Variants in SCN8A observed in about 807,000 individuals in gnomAD.
SCN8A encodes sodium voltage-gated channel alpha subunit 8, also known as sodium channel protein type 8 subunit alpha.
In SCN8A, 30 loss-of-function variants were observed where a neutral mutation model predicts 184.1. The observed-to-expected ratio is 0.16, with a 90% CI of 0.12 to 0.22. The LOEUF (loss-of-function observed/expected upper bound fraction) is 0.22. SCN8A is among the 10% of genes least tolerant of loss of function. The pLI is 1.00. For synonymous variants in SCN8A, 852 were observed against 907.0 expected (o/e 0.94, Z 1.09); for missense variants, 1,057 against 2,498.9 (o/e 0.42, Z 12.30).
intron 9 of SCN8A, among the ~76,000 whole-genome samples, chr12:51,704,761 T>C (rs999492127): frequency 2.0e-5 from 3 of 149,582 alleles, no homozygotes; most frequent in African/African-American, 7.4e-5. Context: ...GATCATGAGG[T>C]CAGGAGCTCA....
intron 13 of SCN8A, among the ~76,000 whole-genome samples, chr12:51,746,356 C>T (rs1942512309): frequency 6.6e-6 from 1 of 152,184 alleles, no homozygotes; most frequent in Admixed American, 6.5e-5. Flanking sequence ...TGCTGTAAGG[C>T]ATAAAGGAAT....
chr12:51,653,993 A>G (rs1940771408), intron 1 of SCN8A, among the ~76,000 whole-genome samples: 1 of 152,132 alleles, frequency 6.6e-6, no homozygotes, highest in African/African-American at 2.4e-5. Flanking sequence ...TCATTTTTAT[A>G]TCTGTTTTTG....
chr12:51,719,905 TC>T (rs1942022213), intron 11 of SCN8A, among the ~76,000 whole-genome samples: 1 of 151,682 alleles, frequency 6.6e-6, no homozygotes, highest in Non-Finnish European at 1.5e-5. Context: ...TGAAACCCCG[TC>T]TCTACTAAAA....
intron 14 of SCN8A, among the ~76,000 whole-genome samples, chr12:51,754,870 G>C (rs1473825817): frequency 1.3e-5 from 2 of 152,102 alleles, no homozygotes; most frequent in African/African-American, 4.8e-5. Flanking sequence ...TCTACCAGTT[G>C]GCATGTAGCT....
intron 16 of SCN8A, among the ~76,000 whole-genome samples, chr12:51,767,159 A>T (rs576343188): frequency 1.6e-4 from 25 of 152,142 alleles, no homozygotes; most frequent in Non-Finnish European, 3.4e-4. Context: ...TAATCCCTCT[A>T]GTCTTCTCAC....
chr12:51,615,474 G>C (rs998721007), intron 1 of SCN8A, among the ~76,000 whole-genome samples: 1 of 152,114 alleles, frequency 6.6e-6, no homozygotes, highest in Non-Finnish European at 1.5e-5. Flanking sequence ...GATTACTTGA[G>C]CCTGGGAGTT....
intron 20 of SCN8A, among the ~76,000 whole-genome samples, chr12:51,779,467 G>C (rs1159430011): frequency 6.6e-6 from 1 of 152,150 alleles, no homozygotes; most frequent in African/African-American, 2.4e-5. Flanking sequence ...TAAGCCTGGA[G>C]GTCTGCAGGC....
intron 1 of SCN8A, among the ~76,000 whole-genome samples, chr12:51,601,855 G>GTTTTTT (rs938674707): frequency 9.1e-6 from 1 of 109,746 alleles, no homozygotes; most frequent in Non-Finnish European, 1.8e-5. Context: ...CAGAGAAAGG[G>GTTTTTT]TTTTTTTTTT....
At chr12:51,802,416 A>G (rs1376880651) in intron 26 of SCN8A, among the ~76,000 whole-genome samples, 1 of 152,192 alleles carries the variant, frequency 6.6e-6, no homozygotes, top group Non-Finnish European at 1.5e-5. Flanking sequence ...ACACATCCCT[A>G]TTCCAAGTCG....
chr12:51,602,183 G>T (rs1939481888), intron 1 of SCN8A, among the ~76,000 whole-genome samples: 4 of 150,958 alleles, frequency 2.6e-5, no homozygotes. Flanking sequence ...CAGAGTATTG[G>T]TGCTCAACAC....
intron 2 of SCN8A, among the ~76,000 whole-genome samples, chr12:51,671,407 G>C (rs933920747): frequency 2.1e-4 from 32 of 152,134 alleles, no homozygotes; most frequent in African/African-American, 7.5e-4. Flanking sequence ...GCCACATAGG[G>C]TATAGACATA....
intron 3 of SCN8A, among the ~76,000 whole-genome samples, chr12:51,685,284 G>A (rs1941400749): frequency 6.6e-6 from 1 of 150,964 alleles, no homozygotes; most frequent in African/African-American, 2.4e-5. Context: ...CTGTAATGAA[G>A]AAAAAAAAAT....
chr12:51,715,597 TCAGCAAGCCAAGATTG>T (rs1941951388), intron 11 of SCN8A, among the ~76,000 whole-genome samples: 2 of 146,286 alleles, frequency 1.4e-5, no homozygotes, highest in African/African-American at 5.2e-5. Flanking sequence ...GGCGGAAGTT[TCAGCAAGCCAAGATTG>T]CACCACTGCA....
intron 19 of SCN8A, among the ~76,000 whole-genome samples, chr12:51,772,251 C>T (rs562833830): frequency 4.6e-5 from 7 of 152,110 alleles, no homozygotes; most frequent in Admixed American, 1.3e-4. Flanking sequence ...CAAAATTAGC[C>T]GGGCATGGTG....
At chr12:51,682,842 C>T (rs1360518744) in intron 2 of SCN8A, among the ~76,000 whole-genome samples, 1 of 152,082 alleles carries the variant, frequency 6.6e-6, no homozygotes, top group African/African-American at 2.4e-5. Flanking sequence ...CTCCCTCTTC[C>T]CTATTTTATT....
In SCN8A at chr12:51,721,775, A is replaced by G. The variant is rs770975429; in HGVS notation, c.1865A>G (p.Gln622Arg). 1.9e-6 allele frequency: 3 copies of G among 1,610,134 alleles called. No individual in the cohort carries two copies. Among genetic ancestry groups the G allele is most frequent in the Non-Finnish European group, 2.5e-6 (3 of 1,179,002 alleles). ...TACAGCGGCTACAGCGGCTACAGCCAGGGCAGCCGCTCCTCGCGCATCTTC... is the reference window on the plus strand; with the variant it reads ...TACAGCGGCTACAGCGGCTACAGCCGGGGCAGCCGCTCCTCGCGCATCTTC... Reference protein sequence around the residue: ...SSYSGYSGYSQGSRSSRIFPS... With the variant: ...SSYSGYSGYSRGSRSSRIFPS... Residue 622 changes from glutamine to arginine, a missense_variant, in exon 12 of 27, where the codon CAG becomes CGG. Gln to Arg is a conservative substitution (Grantham distance 43). This residue lies in a region of SCN8A where 322 missense variants were observed against 390.1 expected (regional missense o/e 0.83). Coordinates refer to ENST00000627620, the MANE Select transcript of SCN8A (RefSeq NM_001330260.2).
At chr12:51,596,857 C>G (rs1310750322) in intron 1 of SCN8A, among the ~76,000 whole-genome samples, 3 of 151,994 alleles carry the variant, frequency 2.0e-5, no homozygotes, top group African/African-American at 7.3e-5. Flanking sequence ...TGAAATCTCT[C>G]CCATTGCCAA....
At chr12:51,601,415 T>C (rs1939460349) in intron 1 of SCN8A, among the ~76,000 whole-genome samples, 1 of 151,026 alleles carries the variant, frequency 6.6e-6, no homozygotes. Flanking sequence ...AGTGATCATA[T>C]GAATGTTTCA....
At chr12:51,772,753 G>T (rs1263813478) in intron 19 of SCN8A, among the ~76,000 whole-genome samples, 1 of 149,352 alleles carries the variant, frequency 6.7e-6, no homozygotes, top group African/African-American at 2.5e-5. Context: ...GGCTGAGGCG[G>T]GCGAATCACG....
Sources: gnomAD v4.1 joint callset for allele counts (sites outside exome capture counted in the v4.1 genomes callset) on GRCh38, gnomAD v4.1.1 for gene constraint, gnomAD v4.1.1 regional missense constraint, MANE v1.5 for transcripts, NCBI Gene and HGNC (gene_info 2026-07-23, HGNC 2026-07-21) for gene names.